Variants in FAM110A observed in about 807,000 individuals in gnomAD.
The protein encoded by FAM110A is family with sequence similarity 110 member A.
FAM110A carries 1 observed loss-of-function variant against 4.0 expected under a neutral mutation model. That is an observed-to-expected ratio of 0.25 (90% CI 0.09 to 1.20). FAM110A has a LOEUF of 1.20. Ranked by LOEUF, FAM110A falls within the 50% of genes most tolerant of loss-of-function variation. FAM110A has a pLI of 0.50. For synonymous variants in FAM110A, 217 were observed against 196.8 expected (o/e 1.10, Z -0.86); for missense variants, 436 against 429.2 (o/e 1.02, Z -0.14).
At chr20:841,798 C>G (rs531310225) in intron 1 of FAM110A, among the ~76,000 whole-genome samples, 42 of 152,288 alleles carry the variant, frequency 2.8e-4, no homozygotes, top group African/African-American at 9.9e-4. Flanking sequence ...CGCTTGGGGA[C>G]TTGGGACCCT....
intron 1 of FAM110A, among the ~76,000 whole-genome samples, chr20:835,221 C>T (rs1264811351): frequency 2.7e-4 from 40 of 149,218 alleles, no homozygotes; most frequent in African/African-American, 9.9e-4. Flanking sequence ...TATACACACA[C>T]ACATATATAC....
rs556665453 is a variant in FAM110A, at chr20:838,050, G to A, written c.-98+4099G>A. Reference sequence around the variant, plus strand: ...TTAAGACAAACTGTTGTTATGAGTGGGTGTGGTAATGTACCTATAGTCCCA... The same window carrying A: ...TTAAGACAAACTGTTGTTATGAGTGAGTGTGGTAATGTACCTATAGTCCCA... On this transcript the variant is annotated intron_variant, in intron 1 of 1. Transcript: ENST00000381941. Among the ~76,000 whole-genome samples the A allele has an allele frequency of 2.0e-5, 3 of 152,254 alleles. No homozygotes were observed. In the East Asian group the frequency reaches 5.8e-4, roughly 29 times the overall value.
At chr20:837,932 G>T (rs534472122) in intron 1 of FAM110A, among the ~76,000 whole-genome samples, 2 of 151,716 alleles carry the variant, frequency 1.3e-5, no homozygotes, top group East Asian at 3.9e-4. Flanking sequence ...CTTCTCACAA[G>T]ATATTTATTA....
At position 840,807 on chromosome 20, in the gene FAM110A, GT is replaced by G. The variant is rs1979845318; in HGVS notation, c.-97-3900del. 6.6e-6 allele frequency among the ~76,000 whole-genome samples: 1 copy of G among 152,224 alleles called. No homozygotes were observed. The highest frequency in any genetic ancestry group is 1.5e-5 in the Non-Finnish European group (1 of 68,034). On this transcript the variant is annotated intron_variant, in intron 1 of 1. Coordinates refer to ENST00000381941, the MANE Select transcript of FAM110A (RefSeq NM_001042353.3). This position sits in a 1 kb window ranked among gnomAD's most constrained non-coding sequence, Gnocchi z 4.4. ...GACTCCCCAGAGTGATTTTGGGCTA[GT>G]GACTCAGCCTCTCTCAGCCTCAGTT... is the stretch of plus-strand genomic sequence containing the variant.
rs1328723666 is a variant in FAM110A at position 844,925 on chromosome 20, A to G, written c.121A>G (p.Ser41Gly). Reference sequence around the variant, plus strand: ...GGCAGATGGTGGAGCCCGGAAACCGAGCGCTGTGGAGCGCCTGGAGGCCGA... The same window carrying G: ...GGCAGATGGTGGAGCCCGGAAACCGGGCGCTGTGGAGCGCCTGGAGGCCGA... The part of the protein sequence containing the change: ...GPADGGARKP[S>G]AVERLEADKA... Residue 41 changes from serine (S) to glycine (G), a missense_variant, in exon 2 of 2, where the codon AGC becomes GGC. By Grantham distance (56) the Ser-to-Gly change is moderately conservative. Transcript: ENST00000381941. 5 of 1,577,206 alleles carry G rather than the reference A, an allele frequency of 3.2e-6. No individual in the cohort carries two copies. Among genetic ancestry groups the G allele is most frequent in the Non-Finnish European group, 4.3e-6 (5 of 1,162,634 alleles).
At chr20:844,141 G>A (rs1980103653) in intron 1 of FAM110A, among the ~76,000 whole-genome samples, 2 of 152,238 alleles carry the variant, frequency 1.3e-5, no homozygotes, top group Non-Finnish European at 2.9e-5. Context: ...AGGGGTAGAG[G>A]TGGTACCAGG....
In FAM110A at chr20:845,850, T is replaced by C. The variant is rs933958003; in HGVS notation, c.*158T>C. On this transcript the variant is annotated 3_prime_UTR_variant, in exon 2 of 2. Coordinates refer to ENST00000381941, the MANE Select transcript of FAM110A (RefSeq NM_001042353.3). Reference sequence around the variant, plus strand: ...AGGCTTAGAGGCTGGACCAGCATTGTTGGGCAAGGACTGACTCTCCAAGGG... The same window carrying C: ...AGGCTTAGAGGCTGGACCAGCATTGCTGGGCAAGGACTGACTCTCCAAGGG... 11 of 1,426,594 alleles carry C rather than the reference T, an allele frequency of 7.7e-6. No individual in the cohort carries two copies. In the African/African-American group the frequency reaches 8.7e-5, roughly 11 times the overall value. The allele number at this position is 1,426,594 out of a possible 1,614,324, so 88.4% of individuals were successfully genotyped here.
At position 840,095 on chromosome 20, in the gene FAM110A, T is replaced by C. The variant is rs41301746; in HGVS notation, c.-97-4613T>C. 110,075 of 670,020 alleles carry C rather than the reference T, an allele frequency of 0.16. 9,959 individuals are homozygous for C. Among genetic ancestry groups the C allele is most frequent in the East Asian group, 0.31 (11,095 of 36,368 alleles). The allele number at this position is 670,020 out of a possible 1,614,324, so 41.5% of individuals were successfully genotyped here. A position where few individuals can be genotyped will look rare whatever the true frequency, so the allele number is the denominator to read the frequency against. ...ACTACTATTAGCGCCTGAAGGAGCC[T>C]TCCCTCCCCATCCCCCATTTCTGCC... On this transcript the variant is annotated intron_variant, in intron 1 of 1. Coordinates refer to ENST00000381941, the MANE Select transcript of FAM110A (RefSeq NM_001042353.3). This position sits in a 1 kb window ranked among gnomAD's most constrained non-coding sequence, Gnocchi z 4.4.
At chr20:844,612 A>C in intron 1 of FAM110A, 96 bp from the exon 2 acceptor site, 1 of 830,004 alleles carries the variant, frequency 1.2e-6, no homozygotes, top group Non-Finnish European at 1.7e-6. Flanking sequence ...TCTCTACCTT[A>C]TAATAGGGAG....
chr20:842,994 TAC>T (rs1398921964), intron 1 of FAM110A, among the ~76,000 whole-genome samples: 4 of 152,034 alleles, frequency 2.6e-5, no homozygotes, highest in African/African-American at 4.8e-5. Flanking sequence ...CCCCCGCCCC[TAC>T]ACACACACGC....
At chr20:836,764 T>A (rs1979596216) in intron 1 of FAM110A, among the ~76,000 whole-genome samples, 1 of 152,230 alleles carries the variant, frequency 6.6e-6, no homozygotes, top group Admixed American at 6.5e-5. Flanking sequence ...TTCTGTTTAA[T>A]TTTTTGAGGA....
rs1176647220 is a variant in FAM110A at position 845,261 on chromosome 20, C to T, written c.457C>T (p.Arg153Trp). The T allele has an allele frequency of 2.0e-6, 3 of 1,492,698 alleles. No homozygotes were observed. Among genetic ancestry groups the T allele is most frequent in the East Asian group, 2.6e-5 (1 of 38,502 alleles). 92.5% of individuals were successfully genotyped at this position (1,492,698 alleles called of 1,614,324 possible). The stretch of plus-strand genomic sequence containing the variant: ...GCCGCCCAGTACCTCTGCGGTCCGC[C>T]GGGTGGACGTCCGCCCCCTGCCCGC... ...RPPPSTSAVRRVDVRPLPASP... is the reference protein window; with the variant it reads ...RPPPSTSAVRWVDVRPLPASP... Residue 153 changes from arginine (R) to tryptophan (W), a missense_variant, in exon 2 of 2, where the codon CGG becomes TGG. Physicochemically the swap from Arg to Trp is moderately radical, Grantham distance 101. Coordinates refer to ENST00000381941, the MANE Select transcript of FAM110A (RefSeq NM_001042353.3).
rs2122703764 is a variant in FAM110A at position 845,295 on chromosome 20, C to T, written c.491C>T (p.Ala164Val). 3 of 1,520,938 alleles carry T rather than the reference C, an allele frequency of 2.0e-6. No individual in the cohort carries two copies. In the East Asian group the frequency reaches 7.5e-5, roughly 38 times the overall value. The allele number at this position is 1,520,938 out of a possible 1,614,324, so 94.2% of individuals were successfully genotyped here. ...VDVRPLPASP[A>V]RPCPSPGPAA... ...GTCCGCCCCCTGCCCGCCTCGCCTG[C>T]CCGGCCCTGCCCATCACCCGGCCCT... is the stretch of plus-strand genomic sequence containing the variant. Residue 164 changes from alanine (A) to valine (V), a missense_variant, in exon 2 of 2, where the codon GCC becomes GTC. By Grantham distance (64) the Ala-to-Val change is moderately conservative. Transcript: ENST00000381941.
intron 1 of FAM110A, chr20:839,997 G>A (rs371886428): frequency 1.6e-5 from 18 of 1,154,604 alleles, no homozygotes; most frequent in East Asian, 4.9e-5. Flanking sequence ...TGTAGGGTCC[G>A]GGGCTGGGGC....
intron 1 of FAM110A, chr20:839,466 C>T (rs571124136): frequency 8.8e-6 from 7 of 797,384 alleles, no homozygotes; most frequent in African/African-American, 3.4e-5. Context: ...TGGCTGACCA[C>T]GTCCACGACC....
At position 844,657 on chromosome 20, in the gene FAM110A, TTGTC is replaced by T. The variant is rs1200587268; in HGVS notation, c.-97-48_-97-45del. Reference sequence around the variant, plus strand: ...TCCTCTCAGCCGCGGCTGAGCCTCTTTGTCTGAGCGCGCTCGGCTTTTTTTTTTT... The same window carrying T: ...TCCTCTCAGCCGCGGCTGAGCCTCTTTGAGCGCGCTCGGCTTTTTTTTTTT... On this transcript the variant is annotated intron_variant, in intron 1 of 1. Coordinates refer to ENST00000381941, the MANE Select transcript of FAM110A (RefSeq NM_001042353.3). 111 of 1,271,646 alleles carry T rather than the reference TTGTC, an allele frequency of 8.7e-5. No homozygotes were observed. The Middle Eastern group carries it at 8.7e-4, about 10-fold the overall frequency. The allele number at this position is 1,271,646 out of a possible 1,614,324, so 78.8% of individuals were successfully genotyped here.
In FAM110A at chr20:845,043, A is replaced by C; in HGVS notation, c.239A>C (p.Glu80Ala). Residue 80 changes from glutamate to alanine, a missense_variant, in exon 2 of 2, where the codon GAG becomes GCG. By Grantham distance (107) the Glu-to-Ala change is moderately radical. Coordinates refer to ENST00000381941, the MANE Select transcript of FAM110A (RefSeq NM_001042353.3). ...LLSKQPLFSP[E>A]TRRTVLTPSR... ...TCCAAACAGCCGCTCTTTAGCCCTGAGACTCGCCGCACAGTGCTCACGCCC... is the reference window on the plus strand; with the variant it reads ...TCCAAACAGCCGCTCTTTAGCCCTGCGACTCGCCGCACAGTGCTCACGCCC... 1 of 1,593,142 alleles carries C rather than the reference A, an allele frequency of 6.3e-7. No individual in the cohort carries two copies. Among genetic ancestry groups the C allele is most frequent in the East Asian group, 2.3e-5 (1 of 43,544 alleles).
In FAM110A at chr20:845,766, C is replaced by A; in HGVS notation, c.*74C>A. The A allele has an allele frequency of 6.3e-7, 1 of 1,583,948 alleles. No individual in the cohort carries two copies. Among genetic ancestry groups the A allele is most frequent in the South Asian group, 1.2e-5 (1 of 86,522 alleles). On this transcript the variant is annotated 3_prime_UTR_variant, in exon 2 of 2. Transcript: ENST00000381941. ...GTGGTCCCTGGACCTCTCTTGCATC[C>A]ATTCTCTAGACGGCCGTGTCAGAGG...
At position 840,526 on chromosome 20, in the gene FAM110A, G is replaced by T. The variant is rs1172956498; in HGVS notation, c.-97-4182G>T. Among the ~76,000 whole-genome samples the T allele has an allele frequency of 6.6e-6, 1 of 152,218 alleles. No individual in the cohort carries two copies. The highest frequency in any genetic ancestry group is 2.4e-5 in the African/African-American group (1 of 41,454). ...CAGTCTCATGGGATTAAATGAGGGG[G>T]CTCTGGGGATTTAAATGAGTATGGT... is the stretch of plus-strand genomic sequence containing the variant. On this transcript the variant is annotated intron_variant, in intron 1 of 1. Transcript: ENST00000381941. This position sits in a 1 kb window ranked among gnomAD's most constrained non-coding sequence, Gnocchi z 4.4.
Sources: gnomAD v4.1 joint callset for allele counts (sites outside exome capture counted in the v4.1 genomes callset) on GRCh38, gnomAD v4.1.1 for gene constraint, Gnocchi (gnomAD v3.1) non-coding constraint, MANE v1.5 for transcripts, NCBI Gene and HGNC (gene_info 2026-07-23, HGNC 2026-07-21) for gene names.